Variants in EIF5B observed in about 807,000 individuals in gnomAD.
EIF5B encodes eIF-5B.
In EIF5B, 47 loss-of-function variants were observed where a neutral mutation model predicts 147.5. That is an observed-to-expected ratio of 0.32 (90% confidence interval 0.25 to 0.41). EIF5B has a LOEUF of 0.41. Among genes scored for constraint, EIF5B ranks in the 10% least tolerant of loss-of-function variants. The pLI is 1.00. For missense variants in EIF5B, 1,064 were observed against 1,413.2 expected, an observed-to-expected ratio of 0.75 and a Z score of 3.96; for synonymous variants, 455 against 456.2, an observed-to-expected ratio of 1.00 and a Z score of 0.03.
intron 17 of EIF5B, among the ~76,000 whole-genome samples, chr2:99,392,044 GA>G (rs942772373): frequency 3.8e-4 from 55 of 143,968 alleles, no homozygotes; most frequent in East Asian, 3.8e-3. Context: ...TTCCTTTAGT[GA>G]AAAAAAAAAA....
chr2:99,382,129 A>C (rs1383090882), intron 12 of EIF5B, 30 bp from the exon 13 acceptor site: 2 of 1,598,916 alleles, frequency 1.3e-6, no homozygotes. Flanking sequence ...TGACTTTCTT[A>C]AACTTTGAAC....
In EIF5B at chr2:99,399,404, A is replaced by G. The variant is rs1478283000; in HGVS notation, c.3653A>G (p.Glu1218Gly). Reference protein sequence around the residue: ...QLIVELKKVFEII With the variant: ...QLIVELKKVFGII ...ATTGTGGAGCTGAAGAAAGTATTTG[A>G]AATCATCTAATTTTTTCACATGGAG... Residue 1218 changes from glutamate to glycine, a missense_variant, in exon 24 of 24, where the codon GAA (glutamate) becomes GGA (glycine). Transcript: ENST00000289371. 1 of 1,613,982 alleles carries G rather than the reference A, an allele frequency of 6.2e-7. No homozygotes were observed. Among genetic ancestry groups the G allele is most frequent in the African/African-American group, 1.3e-5 (1 of 74,930 alleles).
At chr2:99,355,976 CAG>C (rs1674089559) in intron 1 of EIF5B, among the ~76,000 whole-genome samples, 1 of 152,166 alleles carries the variant, frequency 6.6e-6, no homozygotes, top group African/African-American at 2.4e-5. Context: ...GAAGATAATA[CAG>C]AGTCTCCATG....
chr2:99,353,005 C>CTTTTTTTT (rs529053292), intron 1 of EIF5B, among the ~76,000 whole-genome samples: 2,440 of 62,776 alleles, frequency 0.039, 468 homozygotes, highest in East Asian at 0.094. Context: ...TCTTCTTCTT[C>CTTTTTTTT]TTTTTTTTTT....
chr2:99,382,844 G>C lies in EIF5B; in HGVS notation c.2194G>C (p.Gly732Arg). Residue 732 changes from glycine to arginine, a missense_variant, in exon 14 of 24, where the codon GGT (glycine) becomes CGT (arginine). Around this residue, in one of 4 missense-constraint regions of EIF5B, gnomAD observed 380 missense variants for 715.6 expected, o/e 0.53. Coordinates refer to ENST00000289371, the MANE Select transcript of EIF5B (RefSeq NM_015904.4). ...CATTTTAGTTGTTGATATTATGCAT[G>C]GTTTGGAGCCCCAGACAATTGAGTC... ...IAILVVDIMH[G>R]LEPQTIESIN... 6.2e-7 allele frequency: 1 copy of C among 1,611,896 alleles called. No individual in the cohort carries two copies. The highest frequency in any genetic ancestry group is 8.5e-7 in the Non-Finnish European group (1 of 1,179,180).
In EIF5B at chr2:99,393,168, C is replaced by T. The variant is rs372203333; in HGVS notation, c.2880+70C>T. The T allele has an allele frequency of 1.7e-5, 23 of 1,340,320 alleles. No individual in the cohort carries two copies. The highest frequency in any genetic ancestry group is 2.1e-5 in the Non-Finnish European group (22 of 1,029,916). The allele number at this position is 1,340,320 out of a possible 1,614,324, so 83.0% of individuals were successfully genotyped here. On this transcript the variant is annotated intron_variant, in intron 18 of 23. Transcript: ENST00000289371. ...CTGGCATGTGTCAGCATTGCACATG[C>T]TAGGGATGGTGACCAAAACTGGCTT...
chr2:99,385,028 G>A (rs537531421), intron 14 of EIF5B, among the ~76,000 whole-genome samples: 4 of 152,194 alleles, frequency 2.6e-5, no homozygotes, highest in African/African-American at 9.6e-5. Flanking sequence ...GCTCTAAGCA[G>A]CATTACATGC....
intron 8 of EIF5B, among the ~76,000 whole-genome samples, 164 bp from the exon 9 acceptor site, chr2:99,371,488 CAAAA>C (rs201222383): frequency 2.7e-5 from 3 of 112,004 alleles, no homozygotes; most frequent in Admixed American, 8.5e-5. Context: ...GACTCCGTCT[CAAAA>C]AAAAAAAAAA....
At chr2:99,395,634 C>A (rs1675028124) in intron 21 of EIF5B, among the ~76,000 whole-genome samples, 1 of 152,184 alleles carries the variant, frequency 6.6e-6, no homozygotes, top group African/African-American at 2.4e-5. Context: ...TGTGCCTGGT[C>A]TGGGACATGC....
chr2:99,342,208 A>C (rs2094261292), intron 1 of EIF5B, among the ~76,000 whole-genome samples: 1 of 152,062 alleles, frequency 6.6e-6, no homozygotes, highest in African/African-American at 2.4e-5. Flanking sequence ...AATGTTCTTG[A>C]TATTTTAACA....
rs762815204 is a variant in EIF5B at position 99,363,805 on chromosome 2, A to T, written c.1080A>T (p.Arg360Ser). 1.2e-6 allele frequency: 2 copies of T among 1,613,888 alleles called. No homozygotes were observed. Among genetic ancestry groups the T allele is most frequent in the Non-Finnish European group, 1.7e-6 (2 of 1,179,994 alleles). ...AAGAGGAAGAAGAAAGACAGAAGAG[A>T]GAAGAGGAAGAACGTATAAAACGGC... ...KLKEEEERQKREEEERIKRLE... is the reference protein window; with the variant it reads ...KLKEEEERQKSEEEERIKRLE... The change falls in exon 5 of 24, where the codon AGA becomes AGT. Residue 360 changes from arginine (R) to serine (S), a missense_variant. Coordinates refer to ENST00000289371, the MANE Select transcript of EIF5B (RefSeq NM_015904.4).
rs1220127502 is a variant in EIF5B, at chr2:99,337,502, G to C, written c.-53G>C. On this transcript the variant is annotated 5_prime_UTR_variant, in exon 1 of 24. Transcript: ENST00000289371. ...ACCAAAGTCAGCCGGGAGACAGTGG[G>C]TCTGTGAGAGACCGAATAGAGGGGC... 27 of 1,597,596 alleles carry C rather than the reference G, an allele frequency of 1.7e-5. No individual in the cohort carries two copies. Among genetic ancestry groups the C allele is most frequent in the Non-Finnish European group, 2.3e-5 (27 of 1,172,248 alleles).
Position 99,376,352 on chromosome 2 carries a change from G to C in EIF5B, c.1558G>C (p.Gly520Arg). 7.1e-7 allele frequency: 1 copy of C among 1,402,668 alleles called. No homozygotes were observed. The highest frequency in any genetic ancestry group is 2.4e-5 in the Admixed American group (1 of 42,410). 86.9% of individuals were successfully genotyped at this position (1,402,668 alleles called of 1,614,324 possible). A position where few individuals can be genotyped will look rare whatever the true frequency, so the allele number is the denominator to read the frequency against. The change falls in exon 10 of 24, where the codon GGA becomes CGA. Residue 520 changes from glycine to arginine, a missense_variant. Coordinates refer to ENST00000289371, the MANE Select transcript of EIF5B (RefSeq NM_015904.4). ...ASDEETEKVE[G>R]NKVHIEVKEN... ...AAATATATTTGCTTTCGTAGTAGAA[G>C]GAAACAAAGTTCATATAGAAGTAAA...
intron 1 of EIF5B, among the ~76,000 whole-genome samples, chr2:99,344,422 G>GTTGTTA (rs1431005741): frequency 1.4e-5 from 2 of 145,016 alleles, no homozygotes; most frequent in Admixed American, 1.4e-4. Flanking sequence ...TGTTGTTGTT[G>GTTGTTA]TTGTTGTTGT....
chr2:99,368,845 A>G (rs1307231952), intron 7 of EIF5B, among the ~76,000 whole-genome samples: 2 of 152,254 alleles, frequency 1.3e-5, no homozygotes, highest in East Asian at 1.9e-4. Context: ...TCTGAGAAGT[A>G]AAACTACCAT....
chr2:99,368,503 G>A lies in EIF5B; in HGVS notation c.1299G>A (p.Val433=). 3 of 1,613,150 alleles carry A rather than the reference G, an allele frequency of 1.9e-6. No homozygotes were observed. Among genetic ancestry groups the A allele is most frequent in the South Asian group, 1.1e-5 (1 of 90,998 alleles). ...ATTTTTATCCCTCAGGTGTTGAAGT[G>A]CCATCAAAAGACTCTTTGCCAAAGA... The part of the protein sequence containing the change: ...LKLLQAQGVE[V]PSKDSLPKKR... Residue 433 remains valine (V), a synonymous_variant, in exon 7 of 24, where the codon GTG becomes GTA. Coordinates refer to ENST00000289371, the MANE Select transcript of EIF5B (RefSeq NM_015904.4).
chr2:99,370,245 G>A (rs897350415), intron 8 of EIF5B, among the ~76,000 whole-genome samples: 1 of 151,934 alleles, frequency 6.6e-6, no homozygotes, highest in Non-Finnish European at 1.5e-5. Flanking sequence ...AGGAGTTGGG[G>A]AAAAATCTCT....
chr2:99,379,537 C>A, intron 12 of EIF5B, 109 bp downstream of exon 12: 2 of 762,352 alleles, frequency 2.6e-6, no homozygotes, highest in Non-Finnish European at 4.1e-6. Context: ...CATATACTCA[C>A]CATTCAGAAT....
chr2:99,356,205 A>G lies in EIF5B; in HGVS notation c.36-4031A>G, dbSNP rs1172038372. 2.0e-5 allele frequency among the ~76,000 whole-genome samples: 3 copies of G among 152,116 alleles called. No homozygotes were observed. The South Asian group carries it at 6.2e-4, about 31-fold the overall frequency. On this transcript the variant is annotated intron_variant, in intron 1 of 23. Transcript: ENST00000289371. ...TGTCTTATCTGTGATAGTTTCTCAGATTTCATTATATCACTGATGTCGATG... is the reference window on the plus strand; with the variant it reads ...TGTCTTATCTGTGATAGTTTCTCAGGTTTCATTATATCACTGATGTCGATG...
Sources: allele counts gnomAD v4.1 joint callset (sites outside exome capture counted in the v4.1 genomes callset), GRCh38; gene constraint gnomAD v4.1.1; regional missense constraint gnomAD v4.1.1; transcripts MANE v1.5; gene names NCBI Gene and HGNC (gene_info 2026-07-23, HGNC 2026-07-21).